The following ARHGAP15 variants were observed in gnomAD, a reference collection of about 807,000 sequenced individuals.
ARHGAP15 encodes Rho GTPase activating protein 15.
Under a neutral mutation model 63.7 loss-of-function variants are expected in ARHGAP15, and 51 were observed. That is an observed-to-expected ratio of 0.80 (90% CI 0.64 to 1.01). ARHGAP15 has a LOEUF of 1.01. Ranked by LOEUF, ARHGAP15 falls within the 50% of genes least tolerant of loss-of-function variation. The probability of loss-of-function intolerance (pLI) is 0.00; values close to 1 mark genes in which losing one functional copy is unlikely to be tolerated. For synonymous variants in ARHGAP15, 191 were observed against 193.8 expected, an observed-to-expected ratio of 0.99 and a Z score of 0.12; for missense variants, 560 against 564.6, an observed-to-expected ratio of 0.99 and a Z score of 0.08.
intron 1 of ARHGAP15, among the ~76,000 whole-genome samples, chr2:143,131,578 A>T (rs898386105): frequency 6.6e-6 from 1 of 152,152 alleles, no homozygotes; most frequent in African/African-American, 2.4e-5. Flanking sequence ...GTACCTAGAA[A>T]GATAGACCCT....
chr2:143,157,599 T>C (rs1031658576), intron 2 of ARHGAP15, among the ~76,000 whole-genome samples: 11 of 151,722 alleles, frequency 7.3e-5, no homozygotes, highest in African/African-American at 2.7e-4. Flanking sequence ...CAGTGCATAA[T>C]TATATAAAAG....
At chr2:143,601,292 T>C (rs1697758917) in intron 11 of ARHGAP15, among the ~76,000 whole-genome samples, 1 of 152,162 alleles carries the variant, frequency 6.6e-6, no homozygotes, top group South Asian at 2.1e-4. Flanking sequence ...CTTCAAAATC[T>C]TTATCTTGCT....
intron 2 of ARHGAP15, among the ~76,000 whole-genome samples, chr2:143,165,719 G>A (rs1006742367): frequency 6.6e-6 from 1 of 152,020 alleles, no homozygotes. Context: ...TTAAAGCCAT[G>A]AGAAAGTGAA....
At chr2:143,270,675 T>G (rs1043638675) in intron 6 of ARHGAP15, among the ~76,000 whole-genome samples, 1 of 152,214 alleles carries the variant, frequency 6.6e-6, no homozygotes, top group Non-Finnish European at 1.5e-5. Context: ...ATAGTATTAC[T>G]GTTTTAGTTA....
intron 1 of ARHGAP15, among the ~76,000 whole-genome samples, chr2:143,150,914 G>A (rs543562253): frequency 4.1e-4 from 63 of 152,092 alleles, no homozygotes; most frequent in African/African-American, 1.5e-3. Context: ...TAATAAGCCT[G>A]ATATTACTAA....
At chr2:143,243,984 G>T (rs1158140196) in intron 5 of ARHGAP15, among the ~76,000 whole-genome samples, 1 of 151,978 alleles carries the variant, frequency 6.6e-6, no homozygotes, top group East Asian at 1.9e-4. Context: ...ATCTCTATTA[G>T]CTTTGATTAT....
At chr2:143,195,996 G>A (rs1691872718) in intron 2 of ARHGAP15, among the ~76,000 whole-genome samples, 2 of 152,028 alleles carry the variant, frequency 1.3e-5, no homozygotes, top group South Asian at 2.1e-4. Context: ...AAAAGGGATG[G>A]AAGAAAAAAT....
intron 11 of ARHGAP15, among the ~76,000 whole-genome samples, chr2:143,586,940 T>C (rs1429492989): frequency 6.6e-6 from 1 of 151,996 alleles, no homozygotes; most frequent in African/African-American, 2.4e-5. Context: ...TCCCTCTCCC[T>C]TTCCTCCCTC....
chr2:143,509,694 A>G (rs1676561483), intron 9 of ARHGAP15, among the ~76,000 whole-genome samples: 1 of 152,142 alleles, frequency 6.6e-6, no homozygotes, highest in Admixed American at 6.5e-5. Flanking sequence ...AGGAAAAGAA[A>G]AGATGGTGGG....
intron 2 of ARHGAP15, among the ~76,000 whole-genome samples, chr2:143,196,146 C>A (rs903268484): frequency 3.9e-5 from 6 of 151,980 alleles, no homozygotes; most frequent in East Asian, 1.9e-4. Flanking sequence ...AGAATACTAT[C>A]TTTTTTCATT....
intron 6 of ARHGAP15, among the ~76,000 whole-genome samples, chr2:143,268,091 A>T (rs554023602): frequency 1.2e-4 from 19 of 152,260 alleles, no homozygotes; most frequent in African/African-American, 4.3e-4. Context: ...TTTTAGCAAA[A>T]GTACCAACTA....
At chr2:143,693,994 A>G (rs182022018) in intron 12 of ARHGAP15, among the ~76,000 whole-genome samples, 349 of 152,348 alleles carry the variant, frequency 2.3e-3, no homozygotes, top group Admixed American at 5.4e-3. Context: ...CCATGTCAGA[A>G]GAGAGAATAA....
chr2:143,191,613 T>C (rs976865288), intron 2 of ARHGAP15, among the ~76,000 whole-genome samples: 1 of 152,186 alleles, frequency 6.6e-6, no homozygotes, highest in Non-Finnish European at 1.5e-5. Context: ...ATTCTTACTG[T>C]TATAATCTTG....
At chr2:143,540,305 AC>A (rs1381079585) in intron 10 of ARHGAP15, among the ~76,000 whole-genome samples, 3 of 152,160 alleles carry the variant, frequency 2.0e-5, no homozygotes, top group African/African-American at 2.4e-5. Flanking sequence ...TGAATACAGC[AC>A]TATGATGGGT....
rs1697262749 is a variant in ARHGAP15 at position 143,590,096 on chromosome 2, T to G, written c.1003+33611T>G. Among the ~76,000 whole-genome samples the G allele has an allele frequency of 2.0e-5, 3 of 152,296 alleles. No individual in the cohort carries two copies. In the South Asian group the frequency reaches 6.2e-4, roughly 32 times the overall value. ...GTCACTGCTTTCTAGTGCCCTTGAT[T>G]CACCTGAATGTCCATACCCCAGCTG... On this transcript the variant is annotated intron_variant, in intron 11 of 13. Transcript: ENST00000295095.
intron 6 of ARHGAP15, among the ~76,000 whole-genome samples, chr2:143,361,918 C>A (rs1686072762): frequency 6.6e-6 from 1 of 152,176 alleles, no homozygotes; most frequent in Non-Finnish European, 1.5e-5. Context: ...ACAGTTCAAA[C>A]TCTTTACTAT....
At chr2:143,333,227 T>C (rs1460699904) in intron 6 of ARHGAP15, among the ~76,000 whole-genome samples, 1 of 152,210 alleles carries the variant, frequency 6.6e-6, no homozygotes, top group East Asian at 1.9e-4. Flanking sequence ...CCACCTCTAA[T>C]ATGACTTTTC....
At chr2:143,426,756 A>G (rs1028054730) in intron 6 of ARHGAP15, among the ~76,000 whole-genome samples, 1 of 152,152 alleles carries the variant, frequency 6.6e-6, no homozygotes, top group Non-Finnish European at 1.5e-5. Flanking sequence ...TGGCATCACC[A>G]TTCCTTATTT....
chr2:143,268,766 T>A (rs566061102), intron 6 of ARHGAP15, among the ~76,000 whole-genome samples: 1 of 152,232 alleles, frequency 6.6e-6, no homozygotes, highest in South Asian at 2.1e-4. Context: ...CGTATATTAC[T>A]GTTAAAGAAT....
Sources: gnomAD v4.1 joint callset for allele counts (sites outside exome capture counted in the v4.1 genomes callset) on GRCh38, gnomAD v4.1.1 for gene constraint, MANE v1.5 for transcripts, NCBI Gene and HGNC (gene_info 2026-07-23, HGNC 2026-07-21) for gene names.